The following ARRDC1 variants were observed in gnomAD, a reference collection of about 807,000 sequenced individuals.
ARRDC1 encodes arrestin domain containing 1, also known as arrestin domain-containing protein 1.
ARRDC1 carries 37 observed loss-of-function variants against 40.1 expected under a neutral mutation model. The ratio of observed to expected loss-of-function variants is 0.92; its 90% CI spans 0.71 to 1.21. ARRDC1 has a LOEUF of 1.21. ARRDC1 is among the 50% of genes most tolerant of loss of function. The pLI, the probability that ARRDC1 is intolerant of heterozygous loss-of-function variation, is 0.00. For missense variants in ARRDC1, 641 were observed against 581.9 expected (o/e 1.10, Z -1.04); for synonymous variants, 310 against 262.5 (o/e 1.18, Z -1.75).
At chr9:137,613,562 T>C in intron 3 of ARRDC1, 52 bp downstream of exon 3, 1 of 1,613,792 alleles carries the variant, frequency 6.2e-7, no homozygotes, top group Non-Finnish European at 8.5e-7. Flanking sequence ...TCCTGGGAGG[T>C]GGGCTCTGCA....
rs777420771 is a variant in ARRDC1, at chr9:137,614,395, C to T, written c.715C>T (p.His239Tyr). 38 of 1,612,974 alleles carry T rather than the reference C, an allele frequency of 2.4e-5. No homozygotes were observed. The highest frequency in any genetic ancestry group is 3.1e-5 in the Non-Finnish European group (37 of 1,179,888). Reference protein sequence around the residue: ...GVKAWRRAQWHEQILVPALPQ... With the variant: ...GVKAWRRAQWYEQILVPALPQ... ...CAAGGCCTGGCGGCGGGCGCAGTGG[C>T]ACGAGCAGATCCTGGTGCCTGCCTT... Residue 239 changes from histidine (H) to tyrosine (Y), a missense_variant, in exon 6 of 8, where the codon CAC becomes TAC. Coordinates refer to ENST00000371421, the MANE Select transcript of ARRDC1 (RefSeq NM_152285.4).
chr9:137,612,966 G>C lies in ARRDC1; in HGVS notation c.189G>C (p.Glu63Asp). The change falls in exon 2 of 8, where the codon GAG (glutamate) becomes GAC (aspartate). Residue 63 changes from glutamate (E) to aspartate (D), a missense_variant. Coordinates refer to ENST00000371421, the MANE Select transcript of ARRDC1 (RefSeq NM_152285.4). Reference sequence around the variant, plus strand: ...CTAATGACACAGCGTGGGTAGTGGAGGAGGGTTACTTCAACAGTTCCCTGT... The same window carrying C: ...CTAATGACACAGCGTGGGTAGTGGACGAGGGTTACTTCAACAGTTCCCTGT... Reference protein sequence around the residue: ...NKANDTAWVVEEGYFNSSLSL... With the variant: ...NKANDTAWVVDEGYFNSSLSL... 1.2e-6 allele frequency: 2 copies of C among 1,614,164 alleles called. No individual in the cohort carries two copies. Among genetic ancestry groups the C allele is most frequent in the Non-Finnish European group, 1.7e-6 (2 of 1,179,988 alleles).
At position 137,615,100 on chromosome 9, in the gene ARRDC1, T is replaced by TGCG; in HGVS notation, c.1271_1273dup (p.Gly424dup). 1 of 1,565,294 alleles carries TGCG rather than the reference T, an allele frequency of 6.4e-7. No homozygotes were observed. Among genetic ancestry groups the TGCG allele is most frequent in the East Asian group, 2.3e-5 (1 of 44,360 alleles). ...GGCCCCACCGTCTTATGAGCAGAGC[T>TGCG]GCGGCGGCGTGGAACCCAGCCTGAC... On this transcript the variant is annotated inframe_insertion, in exon 8 of 8. Coordinates refer to ENST00000371421, the MANE Select transcript of ARRDC1 (RefSeq NM_152285.4).
chr9:137,605,971 G>A, intron 1 of ARRDC1, 136 bp downstream of exon 1: 1 of 456,430 alleles, frequency 2.2e-6, no homozygotes, highest in Non-Finnish European at 3.4e-6. Context: ...GCTGGGAAGC[G>A]GGCTCGGCGG....
chr9:137,613,048 C>A (rs745519308), intron 2 of ARRDC1, 42 bp downstream of exon 2: 3 of 1,490,750 alleles, frequency 2.0e-6, no homozygotes, highest in African/African-American at 2.8e-5. Context: ...CCCCTGGGGG[C>A]AGCCCTTGGA....
intron 4 of ARRDC1, 27 bp from the exon 5 acceptor site, chr9:137,614,005 A>G (rs1193137249): frequency 1.9e-6 from 3 of 1,611,710 alleles, no homozygotes; most frequent in South Asian, 2.2e-5. Context: ...CACACCTGCT[A>G]AGCCCCTCCC....
intron 2 of ARRDC1, 88 bp downstream of exon 2, chr9:137,613,094 G>C: frequency 1.9e-6 from 2 of 1,042,268 alleles, no homozygotes; most frequent in Non-Finnish European, 2.9e-6. Context: ...CCCTTTCCTA[G>C]ATCTGCCTCT....
Position 137,605,724 on chromosome 9 carries a change from C to G in ARRDC1, c.7C>G (p.Arg3Gly). 5 of 1,381,052 alleles carry G rather than the reference C, an allele frequency of 3.6e-6. No homozygotes were observed. Among genetic ancestry groups the G allele is most frequent in the Non-Finnish European group, 4.7e-6 (5 of 1,063,872 alleles). The allele number at this position is 1,381,052 out of a possible 1,614,324, so 85.5% of individuals were successfully genotyped here. Reference protein sequence around the residue: MGRVQLFEISLSH... With the variant: MGGVQLFEISLSH... ...TGGCCGGTGAGGCCGCGGCATGGGGCGAGTGCAGCTCTTCGAGATCAGCCT... is the reference window on the plus strand; with the variant it reads ...TGGCCGGTGAGGCCGCGGCATGGGGGGAGTGCAGCTCTTCGAGATCAGCCT... Residue 3 changes from arginine (R) to glycine (G), a missense_variant, in exon 1 of 8, where the codon CGA becomes GGA. Coordinates refer to ENST00000371421, the MANE Select transcript of ARRDC1 (RefSeq NM_152285.4).
chr9:137,614,617 C>T lies in ARRDC1; in HGVS notation c.854C>T (p.Ala285Val), dbSNP rs202006481. The T allele has an allele frequency of 1.7e-5, 28 of 1,613,072 alleles. No homozygotes were observed. Among genetic ancestry groups the T allele is most frequent in the Non-Finnish European group, 2.2e-5 (26 of 1,179,894 alleles). Residue 285 changes from alanine (A) to valine (V), a missense_variant, in exon 7 of 8, where the codon GCT becomes GTT. Physicochemically the swap from Ala to Val is moderately conservative, Grantham distance 64 (BLOSUM62 0). Coordinates refer to ENST00000371421, the MANE Select transcript of ARRDC1 (RefSeq NM_152285.4). The part of the protein sequence containing the change: ...VTLPVFIGNI[A>V]VNHAPVSPRP... ...CTCCCGGTCTTCATTGGCAATATTGCTGTGAACCATGCCCCAGTGAGCCCC... is the reference window on the plus strand; with the variant it reads ...CTCCCGGTCTTCATTGGCAATATTGTTGTGAACCATGCCCCAGTGAGCCCC...
rs1842562296 is a variant in ARRDC1, at chr9:137,612,964, G to A, written c.187G>A (p.Glu63Lys). The part of the protein sequence containing the change: ...NKANDTAWVV[E>K]EGYFNSSLSL... ...GGCTAATGACACAGCGTGGGTAGTGGAGGAGGGTTACTTCAACAGTTCCCT... is the reference window on the plus strand; with the variant it reads ...GGCTAATGACACAGCGTGGGTAGTGAAGGAGGGTTACTTCAACAGTTCCCT... Residue 63 changes from glutamate (E) to lysine (K), a missense_variant, in exon 2 of 8, where the codon GAG becomes AAG. Transcript: ENST00000371421. The A allele has an allele frequency of 1.9e-6, 3 of 1,613,882 alleles. No individual in the cohort carries two copies. The highest frequency in any genetic ancestry group is 2.7e-5 in the African/African-American group (2 of 74,960).
rs1030488645 is a variant in ARRDC1 at position 137,610,889 on chromosome 9, G to A, written c.119-2007G>A. Among the ~76,000 whole-genome samples, 6 of 152,266 alleles carry A rather than the reference G, an allele frequency of 3.9e-5. No homozygotes were observed. The East Asian group carries it at 1.2e-3, about 29-fold the overall frequency. On this transcript the variant is annotated intron_variant, in intron 1 of 7. Transcript: ENST00000371421. ...TTTTTGTATTTTTAGTAGAGATGGG[G>A]TTTCACCATGTCAGCCAGGCTGGTC...
intron 1 of ARRDC1, among the ~76,000 whole-genome samples, chr9:137,607,640 TCA>T (rs1364576046): frequency 6.6e-6 from 1 of 152,210 alleles, no homozygotes; most frequent in Non-Finnish European, 1.5e-5. Context: ...CGGGCCAGCC[TCA>T]GTTAACCCTC....
At chr9:137,607,401 G>A (rs1842442380) in intron 1 of ARRDC1, among the ~76,000 whole-genome samples, 2 of 152,250 alleles carry the variant, frequency 1.3e-5, no homozygotes, top group Non-Finnish European at 2.9e-5. Flanking sequence ...CTGCCGATGA[G>A]TGTCGGTGAC....
chr9:137,614,272 C>T, intron 5 of ARRDC1, 27 bp from the exon 6 acceptor site: 3 of 1,578,378 alleles, frequency 1.9e-6, no homozygotes, highest in Non-Finnish European at 2.6e-6. Context: ...GCAGCCTGCG[C>T]AGGCTCACAG....
Position 137,605,716 on chromosome 9 carries a change from G to A in ARRDC1, c.-2G>A, listed in dbSNP as rs1376843793. ...TGCGCGGCTGGCCGGTGAGGCCGCG[G>A]CATGGGGCGAGTGCAGCTCTTCGAG... On this transcript the variant is annotated 5_prime_UTR_variant, in exon 1 of 8. Transcript: ENST00000371421. 2 of 1,368,956 alleles carry A rather than the reference G, an allele frequency of 1.5e-6. No homozygotes were observed. The highest frequency in any genetic ancestry group is 9.5e-7 in the Non-Finnish European group (1 of 1,058,030). 84.8% of individuals were successfully genotyped at this position (1,368,956 alleles called of 1,614,324 possible).
At chr9:137,610,043 T>C (rs1236565539) in intron 1 of ARRDC1, among the ~76,000 whole-genome samples, 1 of 151,668 alleles carries the variant, frequency 6.6e-6, no homozygotes, top group Non-Finnish European at 1.5e-5. Context: ...CTCGATCTCC[T>C]GACCTCGTGA....
At position 137,614,348 on chromosome 9, in the gene ARRDC1, C is replaced by T. The variant is rs777667273; in HGVS notation, c.668C>T (p.Ala223Val). The T allele has an allele frequency of 5.6e-6, 9 of 1,612,234 alleles. No homozygotes were observed. The highest frequency in any genetic ancestry group is 3.3e-5 in the Admixed American group (2 of 59,854). ...KRWIHDVRTI[A>V]EVEGAGVKAW... ...TGGATCCACGACGTACGGACCATTG[C>T]GGAGGTGGAGGGTGCGGGCGTCAAG... The change falls in exon 6 of 8, where the codon GCG (alanine) becomes GTG (valine). Residue 223 changes from alanine (A) to valine (V), a missense_variant. Ala to Val is a moderately conservative substitution (Grantham distance 64). Transcript: ENST00000371421.
intron 1 of ARRDC1, among the ~76,000 whole-genome samples, chr9:137,608,137 C>T (rs997053388): frequency 6.6e-6 from 1 of 152,190 alleles, no homozygotes; most frequent in African/African-American, 2.4e-5. Context: ...CGCCCGCCAC[C>T]ACACCCGGCT....
In ARRDC1 at chr9:137,614,030, A is replaced by G; in HGVS notation, c.436-2A>G. The stretch of plus-strand genomic sequence containing the variant: ...AAGCCCCTCCCTGGCCCTCCCCCCA[A>G]GCAACCCAACGTGGCCTCTGCCACC... On this transcript the variant is annotated splice_acceptor_variant, in intron 4 of 7. Transcript: ENST00000371421. LOFTEE classifies it high-confidence loss of function. 1.2e-6 allele frequency: 2 copies of G among 1,613,372 alleles called. No individual in the cohort carries two copies. The highest frequency in any genetic ancestry group is 1.7e-6 in the Non-Finnish European group (2 of 1,179,846).
Sources: gnomAD v4.1 joint callset for allele counts (sites outside exome capture counted in the v4.1 genomes callset) on GRCh38, gnomAD v4.1.1 for gene constraint, MANE v1.5 for transcripts, NCBI Gene and HGNC (gene_info 2026-07-23, HGNC 2026-07-21) for gene names.